The following DYNC2I2 variants were observed in gnomAD, a reference collection of about 807,000 sequenced individuals.
The protein encoded by DYNC2I2 is cytoplasmic dynein 2 intermediate chain 2.
Under a neutral mutation model 52.0 loss-of-function variants are expected in DYNC2I2, and 39 were observed. The ratio of observed to expected loss-of-function variants is 0.75; its 90% CI spans 0.58 to 0.98. The LOEUF is 0.98. Ranked by LOEUF, DYNC2I2 falls within the 50% of genes least tolerant of loss-of-function variation. The pLI is 0.00. For missense variants in DYNC2I2, 743 were observed against 728.4 expected, an observed-to-expected ratio of 1.02 and a Z score of -0.23; for synonymous variants, 359 against 321.1, an observed-to-expected ratio of 1.12 and a Z score of -1.26.
intron 1 of DYNC2I2, among the ~76,000 whole-genome samples, chr9:128,648,663 G>C (rs1233701465): frequency 1.3e-5 from 2 of 151,534 alleles, no homozygotes; most frequent in East Asian, 3.9e-4. Context: ...AGCCAAGCGT[G>C]TTGGCGGGCA....
the DYNC2I2 span, among the ~76,000 whole-genome samples, chr9:128,668,968 C>T: frequency 6.6e-6 from 1 of 152,064 alleles, no homozygotes; most frequent in South Asian, 2.1e-4. Context: ...CAGTGGCTCA[C>T]ACCTGTAATC....
At chr9:128,662,271 C>CAAT in the DYNC2I2 span, among the ~76,000 whole-genome samples, 1 of 151,836 alleles carries the variant, frequency 6.6e-6, no homozygotes, top group Non-Finnish European at 1.5e-5. Flanking sequence ...GAAGGGGGCT[C>CAAT]AATCAATGGT....
intron 1 of DYNC2I2, among the ~76,000 whole-genome samples, chr9:128,653,436 C>T (rs529827111): frequency 1.5e-4 from 22 of 151,152 alleles, no homozygotes; most frequent in East Asian, 9.7e-4. Context: ...AAAACTGGGC[C>T]GGACACGGTG....
chr9:128,679,075 G>GATAA, the DYNC2I2 span, among the ~76,000 whole-genome samples: 1 of 151,788 alleles, frequency 6.6e-6, no homozygotes, highest in Admixed American at 6.6e-5. Flanking sequence ...TCACAAAATA[G>GATAA]ATAAATAAAT....
upstream of DYNC2I2, among the ~76,000 whole-genome samples, chr9:128,657,427 T>C (rs74328131): frequency 2.1e-3 from 314 of 152,216 alleles, 1 homozygote; most frequent in African/African-American, 7.2e-3. Flanking sequence ...TACTATATTA[T>C]GTCGTTCTGC....
chr9:128,652,141 C>T (rs546958059), intron 1 of DYNC2I2: 1 of 150,912 alleles, frequency 6.6e-6, no homozygotes, highest in African/African-American at 2.5e-5. Context: ...TAGAAAGCAC[C>T]AAGAATCGGG....
chr9:128,636,499 A>C (rs1358423727), intron 3 of DYNC2I2, 61 bp from the exon 4 acceptor site: 2 of 1,522,150 alleles, frequency 1.3e-6, no homozygotes, highest in South Asian at 2.4e-5. Flanking sequence ...CACCCACCCC[A>C]CCTCTCTCCC....
At chr9:128,661,726 T>C (rs957459985), upstream of DYNC2I2, among the ~76,000 whole-genome samples, 1 of 151,454 alleles carries the variant, frequency 6.6e-6, no homozygotes, top group African/African-American at 2.4e-5. Flanking sequence ...CACACTTACT[T>C]GATCCTCAGG....
At chr9:128,683,880 G>C in the DYNC2I2 span, 1 of 1,545,184 alleles carries the variant, frequency 6.5e-7, no homozygotes, top group South Asian at 1.2e-5. Flanking sequence ...TCTGGTTCTG[G>C]GACTTCCCTA....
At chr9:128,664,082 C>T in the DYNC2I2 span, among the ~76,000 whole-genome samples, 2,721 of 151,776 alleles carry the variant, frequency 0.018, 41 homozygotes, top group South Asian at 0.048. Flanking sequence ...CTCAGCCTCC[C>T]GAATAGCTGG....
chr9:128,662,022 C>T, the DYNC2I2 span, among the ~76,000 whole-genome samples: 5 of 148,694 alleles, frequency 3.4e-5, no homozygotes, highest in East Asian at 9.9e-4. Flanking sequence ...AGCCTGGCGA[C>T]AGAGCGAGAC....
At chr9:128,660,075 A>G (rs1377868593), upstream of DYNC2I2, among the ~76,000 whole-genome samples, 3 of 151,476 alleles carry the variant, frequency 2.0e-5, no homozygotes, top group Non-Finnish European at 4.4e-5. Context: ...AAAAAAAAAA[A>G]AAAAACCCTC....
At chr9:128,671,407 T>G in the DYNC2I2 span, among the ~76,000 whole-genome samples, 1 of 150,354 alleles carries the variant, frequency 6.7e-6, no homozygotes, top group Non-Finnish European at 1.5e-5. Flanking sequence ...GTTCAAGCAA[T>G]TCTCCTGCCT....
At chr9:128,667,582 C>A in the DYNC2I2 span, among the ~76,000 whole-genome samples, 1 of 149,790 alleles carries the variant, frequency 6.7e-6, no homozygotes, top group Non-Finnish European at 1.5e-5. Context: ...GTATTTTTTT[C>A]TTTTTTGAGA....
At chr9:128,665,416 C>A in the DYNC2I2 span, among the ~76,000 whole-genome samples, 1 of 152,060 alleles carries the variant, frequency 6.6e-6, no homozygotes, top group African/African-American at 2.4e-5. Context: ...TTATATTTGC[C>A]ATGACCTTAA....
intron 4 of DYNC2I2, 32 bp downstream of exon 4, chr9:128,636,249 A>G: frequency 1.3e-6 from 2 of 1,553,480 alleles, no homozygotes; most frequent in Non-Finnish European, 1.7e-6. Flanking sequence ...GAGTCCTGAG[A>G]GGAGAGGAGG....
intron 1 of DYNC2I2, among the ~76,000 whole-genome samples, chr9:128,642,425 C>T (rs1253205705): frequency 6.9e-6 from 1 of 144,766 alleles, no homozygotes; most frequent in African/African-American, 2.6e-5. Flanking sequence ...CACTGCACTC[C>T]AGCCTGGCCT....
chr9:128,668,525 A>T, the DYNC2I2 span, among the ~76,000 whole-genome samples: 2 of 136,314 alleles, frequency 1.5e-5, no homozygotes, highest in African/African-American at 2.7e-5. Context: ...AGACCATTCT[A>T]AAAAAAAAAA....
Position 128,637,047 on chromosome 9 carries a change from C to A in DYNC2I2, c.436-20G>T. 6.3e-7 allele frequency: 1 copy of A among 1,597,800 alleles called. No homozygotes were observed. The highest frequency in any genetic ancestry group is 1.1e-5 in the South Asian group (1 of 90,218). On this transcript the variant is annotated intron_variant, in intron 2 of 8. Coordinates refer to ENST00000372715, the MANE Select transcript of DYNC2I2 (RefSeq NM_052844.4). ...AGACACCTGCGGAGACGTCCCCAAC[C>A]CTGAGTCCAAAGCCACCAGCAGGGG... is the stretch of plus-strand genomic sequence containing the variant.
Sources: gnomAD v4.1 joint callset for allele counts (sites outside exome capture counted in the v4.1 genomes callset) on GRCh38, gnomAD v4.1.1 for gene constraint, MANE v1.5 for transcripts, NCBI Gene and HGNC (gene_info 2026-07-23, HGNC 2026-07-21) for gene names.